MTMR7: variants seen among roughly 807,000 people sequenced by gnomAD.
MTMR7 encodes the protein myotubularin related protein 7.
A neutral mutation model predicts 81.2 loss-of-function variants in MTMR7; 76 were observed. The observed-to-expected ratio is 0.94, with a 90% CI of 0.78 to 1.13. The LOEUF is 1.13. Among genes scored for constraint, MTMR7 ranks in the 50% most tolerant of loss-of-function variants. MTMR7 has a pLI of 0.00. For synonymous variants in MTMR7, 372 were observed against 289.8 expected (o/e 1.28, Z -2.88); for missense variants, 1,044 against 820.0 (o/e 1.27, Z -3.34).
chr8:17,301,994 G>C, intron 13 of MTMR7, 160 bp downstream of exon 13: 1 of 898,096 alleles, frequency 1.1e-6, no homozygotes, highest in Non-Finnish European at 1.6e-6. Flanking sequence ...TTGGGCTTCG[G>C]TTATCTGAGT....
chr8:17,373,252 G>A lies in MTMR7; in HGVS notation c.25-12C>T, dbSNP rs763001175. 2.5e-6 allele frequency: 4 copies of A among 1,606,752 alleles called. No homozygotes were observed. The highest frequency in any genetic ancestry group is 2.2e-5 in the South Asian group (2 of 89,328). ...CGGACATTTTCAACCTAGAGAAATC[G>A]GCATGATGAAAAGAGTTACCGTAAA... On this transcript the variant is annotated splice_polypyrimidine_tract_variant and intron_variant, in intron 1 of 13. Transcript: ENST00000180173.
In MTMR7 at chr8:17,371,150, G is replaced by A. The variant is rs376505669; in HGVS notation, c.197C>T (p.Thr66Ile). 5.6e-6 allele frequency: 9 copies of A among 1,614,086 alleles called. No homozygotes were observed. In the African/African-American group the frequency reaches 1.2e-4, roughly 22 times the overall value. The change falls in exon 3 of 14, where the codon ACC (threonine) becomes ATC (isoleucine). Residue 66 changes from threonine (T) to isoleucine (I), a missense_variant. Coordinates refer to ENST00000180173, the MANE Select transcript of MTMR7 (RefSeq NM_004686.5). ...GCAGCGAATCAGCAGAGGGCATCCG[G>A]TAGCGGTTGTTGCCTGTTTCTCAAT... ...STIEKQATTA[T>I]GCPLLIRCKN...
intron 7 of MTMR7, among the ~76,000 whole-genome samples, chr8:17,317,042 T>A (rs1321413003): frequency 1.3e-5 from 2 of 152,232 alleles, no homozygotes; most frequent in Non-Finnish European, 2.9e-5. Context: ...GCCAATCTTA[T>A]AATATTTCTC....
At chr8:17,332,417 T>G (rs1819050728) in intron 6 of MTMR7, among the ~76,000 whole-genome samples, 1 of 152,092 alleles carries the variant, frequency 6.6e-6, no homozygotes, top group Admixed American at 6.5e-5. Flanking sequence ...CATGACTATC[T>G]CAATAGGACA....
chr8:17,366,885 C>CAAAAAAAAAAAAAAAAAAAAAAAAAAAAA (rs1277882494), intron 3 of MTMR7, among the ~76,000 whole-genome samples: 4 of 88,186 alleles, frequency 4.5e-5, no homozygotes, highest in African/African-American at 2.4e-4. Context: ...GACTCCATCT[C>CAAAAAAAAAAAAAAAAAAAAAAAAAAAAA]AAAAAAAAAA....
intron 1 of MTMR7, among the ~76,000 whole-genome samples, chr8:17,376,998 T>A (rs1046241572): frequency 6.6e-6 from 1 of 152,114 alleles, no homozygotes; most frequent in African/African-American, 2.4e-5. Flanking sequence ...AGTCATTATA[T>A]ATTGATATTT....
At chr8:17,367,023 G>C (rs187704447) in intron 3 of MTMR7, among the ~76,000 whole-genome samples, 2 of 152,128 alleles carry the variant, frequency 1.3e-5, no homozygotes, top group Admixed American at 1.3e-4. Context: ...AACAAGTGTT[G>C]AAATTAAATA....
chr8:17,389,006 C>G (rs1175486022), intron 1 of MTMR7, among the ~76,000 whole-genome samples: 1 of 152,184 alleles, frequency 6.6e-6, no homozygotes, highest in Admixed American at 6.5e-5. Flanking sequence ...CCTTGCAGAC[C>G]CAATGATGTG....
In MTMR7 at chr8:17,371,179, G is replaced by A. The variant is rs1458325246; in HGVS notation, c.168C>T (p.Ser56=). ...CGGTTGTTGCCTGTTTCTCAATGGT[G>A]GAAATCTGACTGTGAAGAATCTAGA... ...KETWILHSQI[S]TIEKQATTAT... is the part of the protein sequence containing the mutation. The change falls in exon 3 of 14, where the codon TCC becomes TCT. Residue 56 remains serine (S), a synonymous_variant. Coordinates refer to ENST00000180173, the MANE Select transcript of MTMR7 (RefSeq NM_004686.5). 6.2e-7 allele frequency: 1 copy of A among 1,614,052 alleles called. No individual in the cohort carries two copies.
chr8:17,302,820 C>T (rs974803457), intron 12 of MTMR7, among the ~76,000 whole-genome samples: 3 of 149,774 alleles, frequency 2.0e-5, no homozygotes, highest in African/African-American at 4.9e-5. Context: ...TCAAGCGATT[C>T]TCCTGCCTCA....
chr8:17,397,989 T>G (rs1027870374), intron 1 of MTMR7, among the ~76,000 whole-genome samples: 7 of 152,314 alleles, frequency 4.6e-5, no homozygotes, highest in Middle Eastern at 3.4e-3. Context: ...CCTCCGTGAG[T>G]CTGCAAAACA....
At chr8:17,378,296 T>C (rs1820651906) in intron 1 of MTMR7, among the ~76,000 whole-genome samples, 1 of 152,154 alleles carries the variant, frequency 6.6e-6, no homozygotes, top group Non-Finnish European at 1.5e-5. Flanking sequence ...TAAAAATGAA[T>C]TATAAAAATT....
In MTMR7 at chr8:17,407,927, G is replaced by A. The variant is rs371214904; in HGVS notation, c.24+5342C>T. ...AAACCTCATGGATCTGCTGATGTCC[G>A]TCTATCACAGACAGAACTTGAAAAT... On this transcript the variant is annotated intron_variant, in intron 1 of 13. Transcript: ENST00000180173. 2.8e-4 allele frequency among the ~76,000 whole-genome samples: 43 copies of A among 152,272 alleles called. No homozygotes were observed. The South Asian group carries it at 6.9e-3, about 24-fold the overall frequency.
At chr8:17,405,961 TTTTTCTGGATTTATGCAAATA>T (rs1821571181) in intron 1 of MTMR7, among the ~76,000 whole-genome samples, 1 of 152,032 alleles carries the variant, frequency 6.6e-6, no homozygotes, top group Non-Finnish European at 1.5e-5. Context: ...TACACAGCAT[TTTTTCTGGATTTATGCAAATA>T]TTTCTGGATT....
At chr8:17,379,890 G>C (rs747752648) in intron 1 of MTMR7, among the ~76,000 whole-genome samples, 1 of 152,086 alleles carries the variant, frequency 6.6e-6, no homozygotes, top group Non-Finnish European at 1.5e-5. Flanking sequence ...TGAAGGCACC[G>C]TTTCATTGCA....
At chr8:17,324,261 A>C (rs1365608576) in intron 7 of MTMR7, among the ~76,000 whole-genome samples, 2 of 152,240 alleles carry the variant, frequency 1.3e-5, no homozygotes, top group Non-Finnish European at 2.9e-5. Context: ...CTGTCTGATG[A>C]ATAGATGAGC....
chr8:17,326,222 G>T (rs1246439391), intron 7 of MTMR7: 1 of 152,270 alleles, frequency 6.6e-6, no homozygotes, highest in East Asian at 1.9e-4. Context: ...GGTAAAAATG[G>T]TGGTTCTACC....
intron 1 of MTMR7, among the ~76,000 whole-genome samples, chr8:17,374,407 G>C (rs1448131402): frequency 6.6e-6 from 1 of 151,758 alleles, no homozygotes; most frequent in East Asian, 2.0e-4. Context: ...TGGATCACGA[G>C]GTAAAGAGAT....
rs189637171 is a variant in MTMR7 at position 17,312,272 on chromosome 8, A to G, written c.976-636T>C. 3.1e-3 allele frequency among the ~76,000 whole-genome samples: 479 copies of G among 152,258 alleles called. 3 individuals carry two copies. Among genetic ancestry groups the G allele is most frequent in the Non-Finnish European group, 5.3e-3 (358 of 68,018 alleles). On this transcript the variant is annotated intron_variant, in intron 8 of 13. Transcript: ENST00000180173. ...CACTACCTAAAATTCTAGTTTTATT[A>G]GTTTATTAATACTCTGTCTCAGCTG...
Sources: allele counts gnomAD v4.1 joint callset (sites outside exome capture counted in the v4.1 genomes callset), GRCh38; gene constraint gnomAD v4.1.1; transcripts MANE v1.5; gene names NCBI Gene and HGNC (gene_info 2026-07-23, HGNC 2026-07-21).